The following DNAH9 variants were observed in gnomAD, a reference collection of about 807,000 sequenced individuals.
DNAH9 encodes the protein dynein axonemal heavy chain 9.
In DNAH9, 345 loss-of-function variants were observed where a neutral mutation model predicts 471.6. The observed-to-expected ratio is 0.73, with a 90% CI of 0.67 to 0.80. DNAH9 has a LOEUF of 0.80. Among genes scored for constraint, DNAH9 ranks in the 30% least tolerant of loss-of-function variants. DNAH9 has a pLI of 0.00. For missense variants in DNAH9, 5,407 were observed against 5,609.2 expected (o/e 0.96, Z 1.15); for synonymous variants, 2,093 against 2,123.6 (o/e 0.99, Z 0.40).
At chr17:11,770,333 C>T (rs1034076552) in intron 38 of DNAH9, among the ~76,000 whole-genome samples, 5 of 152,184 alleles carry the variant, frequency 3.3e-5, no homozygotes, top group Admixed American at 2.6e-4. Flanking sequence ...AGTCAGCCCG[C>T]GATGTTGCCT....
chr17:11,644,951 G>T (rs1413194122), intron 11 of DNAH9, among the ~76,000 whole-genome samples: 8 of 152,224 alleles, frequency 5.3e-5, no homozygotes, highest in African/African-American at 1.9e-4. Flanking sequence ...AGAGCTAGGA[G>T]TGGGGTGCTA....
intron 45 of DNAH9, among the ~76,000 whole-genome samples, chr17:11,811,326 A>G (rs557775425): frequency 1.1e-4 from 16 of 152,116 alleles, no homozygotes; most frequent in Non-Finnish European, 2.1e-4. Flanking sequence ...TTAAAAAAAA[A>G]AAAAGAAAAA....
intron 48 of DNAH9, among the ~76,000 whole-genome samples, chr17:11,828,783 G>A (rs1424876179): frequency 6.6e-6 from 1 of 152,096 alleles, no homozygotes; most frequent in Non-Finnish European, 1.5e-5. Context: ...TGCTCCAGAA[G>A]CCCTTTCTAA....
intron 41 of DNAH9, among the ~76,000 whole-genome samples, chr17:11,789,396 C>CT (rs1055063250): frequency 6.6e-6 from 1 of 151,986 alleles, no homozygotes; most frequent in African/African-American, 2.4e-5. Flanking sequence ...TTCAGATTGT[C>CT]TATTTCTTCA....
intron 50 of DNAH9, among the ~76,000 whole-genome samples, chr17:11,855,896 C>T (rs1239506596): frequency 6.6e-6 from 1 of 152,112 alleles, no homozygotes; most frequent in East Asian, 1.9e-4. Flanking sequence ...ATGCCCAAAC[C>T]TTAGCTTCCT....
Position 11,719,376 on chromosome 17 carries a change from T to C in DNAH9, c.5595T>C (p.Ser1865=). ...CCCAGTCCCTGCACCTGACCATGAG[T>C]GGGGCTCCCGCAGGACCTGCAGGCA... The part of the protein sequence containing the change: ...TLTQSLHLTM[S]GAPAGPAGTG... The change falls in exon 27 of 69, where the codon AGT becomes AGC. Residue 1865 remains serine, a synonymous_variant. Transcript: ENST00000262442. 6.2e-7 allele frequency: 1 copy of C among 1,613,880 alleles called. No homozygotes were observed. Among genetic ancestry groups the C allele is most frequent in the Non-Finnish European group, 8.5e-7 (1 of 1,179,954 alleles).
At chr17:11,943,415 G>A (rs1004898001) in intron 67 of DNAH9, among the ~76,000 whole-genome samples, 1 of 151,938 alleles carries the variant, frequency 6.6e-6, no homozygotes, top group Non-Finnish European at 1.5e-5. Context: ...GCGGTGGCTC[G>A]TGCCTGTAAT....
intron 41 of DNAH9, among the ~76,000 whole-genome samples, chr17:11,790,780 A>G (rs1464819287): frequency 6.6e-6 from 1 of 151,922 alleles, no homozygotes; most frequent in Admixed American, 6.6e-5. Context: ...TGTTTTTATA[A>G]TTGTTCTCCC....
chr17:11,918,664 G>C (rs1209608729), intron 61 of DNAH9, among the ~76,000 whole-genome samples: 1 of 152,178 alleles, frequency 6.6e-6, no homozygotes, highest in African/African-American at 2.4e-5. Context: ...CTGGGGAGCA[G>C]AAGAGTGAAT....
At chr17:11,863,186 A>G (rs1223680718) in intron 50 of DNAH9, among the ~76,000 whole-genome samples, 1 of 152,176 alleles carries the variant, frequency 6.6e-6, no homozygotes, top group Non-Finnish European at 1.5e-5. Context: ...TTATTTTGAG[A>G]TACGTCCCAT....
chr17:11,780,720 AGTTAT>A (rs1277546307), intron 38 of DNAH9, among the ~76,000 whole-genome samples: 9 of 152,306 alleles, frequency 5.9e-5, no homozygotes, highest in South Asian at 2.1e-4. Flanking sequence ...CTAATCTCAC[AGTTAT>A]GTTATAAGGA....
chr17:11,613,666 A>G (rs575849346), intron 4 of DNAH9, among the ~76,000 whole-genome samples: 2 of 152,322 alleles, frequency 1.3e-5, no homozygotes, highest in East Asian at 3.9e-4. Flanking sequence ...AAGTGATACC[A>G]GCTTTCCATT....
chr17:11,733,412 C>T (rs1259021819), intron 28 of DNAH9, among the ~76,000 whole-genome samples: 1 of 152,214 alleles, frequency 6.6e-6, no homozygotes, highest in Non-Finnish European at 1.5e-5. Flanking sequence ...AGGGACAGAA[C>T]CCTCTGTGAT....
intron 43 of DNAH9, among the ~76,000 whole-genome samples, chr17:11,804,578 C>A (rs1969591457): frequency 6.6e-6 from 1 of 152,108 alleles, no homozygotes; most frequent in South Asian, 2.1e-4. Flanking sequence ...ATTTTTCCAC[C>A]ATTAAATTGG....
intron 53 of DNAH9, 59 bp from the exon 54 acceptor site, chr17:11,880,019 G>C (rs932479111): frequency 1.2e-6 from 2 of 1,601,640 alleles, no homozygotes; most frequent in African/African-American, 2.7e-5. Context: ...TCATTAAATG[G>C]TCTCAACTCC....
chr17:11,806,676 A>G (rs942248563), intron 43 of DNAH9, among the ~76,000 whole-genome samples: 4 of 152,250 alleles, frequency 2.6e-5, no homozygotes, highest in Non-Finnish European at 4.4e-5. Context: ...ATGTACATAT[A>G]TATTTATAAA....
At chr17:11,946,068 C>A (rs1324120800) in intron 67 of DNAH9, among the ~76,000 whole-genome samples, 1 of 151,744 alleles carries the variant, frequency 6.6e-6, no homozygotes, top group Admixed American at 6.6e-5. Flanking sequence ...GGCGTGGTGG[C>A]ACGCACCTGT....
rs767506464 is a variant in DNAH9 at position 11,886,872 on chromosome 17, G to A, written c.11019G>A (p.Glu3673=). Residue 3673 remains glutamate, a synonymous_variant, in exon 57 of 69, where the codon GAG becomes GAA. Transcript: ENST00000262442. ...VTEVKINEAR[E]HYRPAAARAS... Reference sequence around the variant, plus strand: ...AAGTGAAAATCAACGAGGCCCGAGAGCACTACCGGCCAGCAGCTGCCAGGG... The same window carrying A: ...AAGTGAAAATCAACGAGGCCCGAGAACACTACCGGCCAGCAGCTGCCAGGG... 27 of 1,612,814 alleles carry A rather than the reference G, an allele frequency of 1.7e-5. No homozygotes were observed. The highest frequency in any genetic ancestry group is 2.3e-5 in the Non-Finnish European group (27 of 1,179,438).
chr17:11,746,566 A>G (rs1350354373), intron 31 of DNAH9, among the ~76,000 whole-genome samples: 1 of 152,158 alleles, frequency 6.6e-6, no homozygotes, highest in Non-Finnish European at 1.5e-5. Context: ...CAAGAACAGC[A>G]TGGGGGAAAC....
Sources: gnomAD v4.1 joint callset for allele counts (sites outside exome capture counted in the v4.1 genomes callset) on GRCh38, gnomAD v4.1.1 for gene constraint, MANE v1.5 for transcripts, NCBI Gene and HGNC (gene_info 2026-07-23, HGNC 2026-07-21) for gene names.